DGKG: variants seen among roughly 807,000 people sequenced by gnomAD.
DGKG encodes the protein DAG kinase gamma.
Under a neutral mutation model 105.3 loss-of-function variants are expected in DGKG, and 78 were observed. That is an observed-to-expected ratio of 0.74 (90% CI 0.62 to 0.89). DGKG has a LOEUF of 0.89. Ranked by LOEUF, DGKG falls within the 40% of genes least tolerant of loss-of-function variation. DGKG has a pLI of 0.00. For missense variants in DGKG, 958 were observed against 1,020.1 expected, an observed-to-expected ratio of 0.94 and a Z score of 0.83; for synonymous variants, 346 against 367.1, an observed-to-expected ratio of 0.94 and a Z score of 0.66.
At position 186,226,950 on chromosome 3, in the gene DGKG, G is replaced by A. The variant is rs1719887506; in HGVS notation, c.1827-15065C>T. Among the ~76,000 whole-genome samples the A allele has an allele frequency of 6.6e-6, 1 of 152,162 alleles. No individual in the cohort carries two copies. Among genetic ancestry groups the A allele is most frequent in the Non-Finnish European group, 1.5e-5 (1 of 68,030 alleles). ...AAGAGCATTAGAAGATTGGGAAAAT[G>A]CCTTCTTAGTAAAATATGAAGTGGT... On this transcript the variant is annotated intron_variant, in intron 20 of 24. Coordinates refer to ENST00000265022, the MANE Select transcript of DGKG (RefSeq NM_001346.3). This position sits in a 1 kb window ranked among gnomAD's most constrained non-coding sequence, Gnocchi z 4.2.
chr3:186,185,971 G>C (rs561736460), intron 22 of DGKG, among the ~76,000 whole-genome samples: 1 of 151,382 alleles, frequency 6.6e-6, no homozygotes, highest in South Asian at 2.1e-4. Context: ...GATGGTGCAC[G>C]CCTGTAATCC....
At chr3:186,193,153 C>A (rs1006269056) in intron 21 of DGKG, among the ~76,000 whole-genome samples, 1 of 152,140 alleles carries the variant, frequency 6.6e-6, no homozygotes, top group Non-Finnish European at 1.5e-5. Context: ...ACGCTGATGT[C>A]CTCCCTCCCT....
chr3:186,204,535 G>A (rs952945449), intron 21 of DGKG, among the ~76,000 whole-genome samples: 8 of 152,100 alleles, frequency 5.3e-5, no homozygotes, highest in Admixed American at 6.5e-5. Flanking sequence ...ATTCTCATAG[G>A]TGAGACCCAT....
intron 21 of DGKG, among the ~76,000 whole-genome samples, 188 bp downstream of exon 21, chr3:186,211,607 T>C (rs568369384): frequency 2.0e-5 from 3 of 152,346 alleles, no homozygotes. Context: ...CCCCCAGGGA[T>C]TCTCTAGACA....
chr3:186,273,018 C>A (rs893166573), intron 10 of DGKG, among the ~76,000 whole-genome samples: 6 of 152,146 alleles, frequency 3.9e-5, no homozygotes, highest in African/African-American at 1.4e-4. Flanking sequence ...CCGCACCTGG[C>A]CAAGGTCAGG....
intron 1 of DGKG, among the ~76,000 whole-genome samples, chr3:186,352,038 T>C (rs1726656216): frequency 1.3e-5 from 2 of 152,102 alleles, no homozygotes; most frequent in South Asian, 2.1e-4. Flanking sequence ...TAAGTAAGCA[T>C]CTCTGGGAGT....
chr3:186,297,762 C>T (rs1199041010), intron 4 of DGKG, among the ~76,000 whole-genome samples: 1 of 152,182 alleles, frequency 6.6e-6, no homozygotes, highest in Non-Finnish European at 1.5e-5. Flanking sequence ...ATCCGTGGAC[C>T]GTCAGCCTTT....
At position 186,284,147 on chromosome 3, in the gene DGKG, T is replaced by G. The variant is rs575834897; in HGVS notation, c.594+513A>C. On this transcript the variant is annotated intron_variant, in intron 7 of 24. Transcript: ENST00000265022. The surrounding 1 kb of genome is among the most constrained non-coding windows in gnomAD (Gnocchi z 4.0). ...AGACAGAACCAGACTCCTAGGCTAGTGCCCTGGAGTAGGAGAGGCAGCCAA... is the reference window on the plus strand; with the variant it reads ...AGACAGAACCAGACTCCTAGGCTAGGGCCCTGGAGTAGGAGAGGCAGCCAA... Among the ~76,000 whole-genome samples, 1 of 152,270 alleles carries G rather than the reference T, an allele frequency of 6.6e-6. No homozygotes were observed. Among genetic ancestry groups the G allele is most frequent in the South Asian group, 2.1e-4 (1 of 4,814 alleles).
intron 24 of DGKG, chr3:186,160,122 G>A (rs4686738): frequency 0.45 from 399,986 of 885,192 alleles, 94,637 homozygotes; most frequent in East Asian, 0.75. Context: ...CTTTACATAC[G>A]GATTTCTGGG....
intron 8 of DGKG, 75 bp downstream of exon 8, chr3:186,280,595 A>T: frequency 8.3e-7 from 1 of 1,209,290 alleles, no homozygotes; most frequent in Non-Finnish European, 1.2e-6. Flanking sequence ...GTTAACACTC[A>T]TTCATGTCTT....
chr3:186,218,275 C>T (rs896640039), intron 20 of DGKG, among the ~76,000 whole-genome samples: 7 of 151,870 alleles, frequency 4.6e-5, no homozygotes, highest in Admixed American at 6.6e-5. Context: ...GAGGCTGAGG[C>T]GGGTGGATCA....
chr3:186,154,757 T>A (rs568116110), intron 24 of DGKG, among the ~76,000 whole-genome samples: 2 of 151,746 alleles, frequency 1.3e-5, no homozygotes, highest in South Asian at 4.2e-4. Flanking sequence ...AGTTGGGAAG[T>A]TCAACTACGT....
In DGKG at chr3:186,236,214, C is replaced by CCAA. The variant is rs556924586; in HGVS notation, c.1826+6289_1826+6290insTTG. 3.3e-4 allele frequency among the ~76,000 whole-genome samples: 50 copies of CCAA among 152,332 alleles called. 1 individual carries two copies. The South Asian group carries it at 0.01, about 31-fold the overall frequency. ...ATTCAATGCATCACTGCTGGGGTCT[C>CCAA]CTCCAACTTTTAGTTGTCCTCCAAC... On this transcript the variant is annotated intron_variant, in intron 20 of 24. Transcript: ENST00000265022.
At chr3:186,343,457 A>T (rs1428020527) in intron 1 of DGKG, among the ~76,000 whole-genome samples, 1 of 151,790 alleles carries the variant, frequency 6.6e-6, no homozygotes, top group Admixed American at 6.6e-5. Flanking sequence ...TGCCTTGCTA[A>T]TTTTTTTGTA....
intron 10 of DGKG, among the ~76,000 whole-genome samples, chr3:186,275,165 C>A (rs928904503): frequency 6.6e-6 from 1 of 152,182 alleles, no homozygotes; most frequent in Non-Finnish European, 1.5e-5. Flanking sequence ...AGGTGTGAGC[C>A]ACCGTACTTG....
intron 2 of DGKG, among the ~76,000 whole-genome samples, chr3:186,311,470 G>T (rs1724539277): frequency 6.6e-6 from 1 of 152,146 alleles, no homozygotes; most frequent in African/African-American, 2.4e-5. Flanking sequence ...CAGACTGTCA[G>T]GACTATCCAC....
intron 12 of DGKG, 96 bp from the exon 13 acceptor site, chr3:186,267,873 TG>T (rs1722131314): frequency 9.1e-7 from 1 of 1,098,712 alleles, no homozygotes; most frequent in Non-Finnish European, 1.4e-6. Flanking sequence ...AGCTGTCTAG[TG>T]CTCCCCCAAA....
At chr3:186,285,326 T>C (rs918615910) in intron 6 of DGKG, among the ~76,000 whole-genome samples, 5 of 152,258 alleles carry the variant, frequency 3.3e-5, no homozygotes, top group African/African-American at 7.2e-5. Flanking sequence ...CATTTATATA[T>C]GGCATTTAAC....
rs180729054 is a variant in DGKG at position 186,334,534 on chromosome 3, C to T, written c.-248-13827G>A. 4.5e-4 allele frequency among the ~76,000 whole-genome samples: 69 copies of T among 152,322 alleles called. 2 individuals carry two copies. The South Asian group carries it at 0.014, about 30-fold the overall frequency. On this transcript the variant is annotated intron_variant, in intron 1 of 24. Coordinates refer to ENST00000265022, the MANE Select transcript of DGKG (RefSeq NM_001346.3). Reference sequence around the variant, plus strand: ...GAGGTGCATACACCTCATGCCTAGCCCAGACAATATGTCCCTGGATGGCCT... The same window carrying T: ...GAGGTGCATACACCTCATGCCTAGCTCAGACAATATGTCCCTGGATGGCCT...
Sources: gnomAD v4.1 joint callset for allele counts (sites outside exome capture counted in the v4.1 genomes callset) on GRCh38, gnomAD v4.1.1 for gene constraint, Gnocchi (gnomAD v3.1) non-coding constraint, MANE v1.5 for transcripts, NCBI Gene and HGNC (gene_info 2026-07-23, HGNC 2026-07-21) for gene names.